The following NCKAP5 variants were observed in gnomAD, a reference collection of about 807,000 sequenced individuals.
NCKAP5 encodes NCK associated protein 5, also known as nck-associated protein 5.
Under a neutral mutation model 167.0 loss-of-function variants are expected in NCKAP5, and 92 were observed. The ratio of observed to expected loss-of-function variants is 0.55; its 90% CI spans 0.47 to 0.66. NCKAP5 has a LOEUF of 0.66. Among genes scored for constraint, NCKAP5 ranks in the 30% least tolerant of loss-of-function variants. NCKAP5 has a pLI of 0.00. For synonymous variants in NCKAP5, 891 were observed against 877.4 expected, an observed-to-expected ratio of 1.02 and a Z score of -0.27; for missense variants, 2,378 against 2,315.0, an observed-to-expected ratio of 1.03 and a Z score of -0.56.
chr2:132,887,348 T>C (rs201001868), intron 8 of NCKAP5, among the ~76,000 whole-genome samples: 16,985 of 127,248 alleles, frequency 0.13, 1,407 homozygotes, highest in East Asian at 0.36. Context: ...TCTATCTATC[T>C]ATCCATCCAT....
chr2:133,020,837 G>A (rs1182830753), intron 6 of NCKAP5, among the ~76,000 whole-genome samples: 1 of 152,166 alleles, frequency 6.6e-6, no homozygotes, highest in Non-Finnish European at 1.5e-5. Flanking sequence ...GAAAGGTGGA[G>A]AAGCAATCAC....
At chr2:133,642,229 T>G in the NCKAP5 span, among the ~76,000 whole-genome samples, 1 of 152,096 alleles carries the variant, frequency 6.6e-6, no homozygotes, top group Non-Finnish European at 1.5e-5. Flanking sequence ...AGGATGGCAT[T>G]AATCTACTCA....
At chr2:133,171,545 A>G (rs1433020904) in intron 5 of NCKAP5, among the ~76,000 whole-genome samples, 2 of 152,194 alleles carry the variant, frequency 1.3e-5, no homozygotes, top group South Asian at 4.1e-4. Flanking sequence ...ACTTGCCAAG[A>G]AAAGAAAGAA....
At chr2:132,836,864 T>C (rs1321869408) in intron 11 of NCKAP5, among the ~76,000 whole-genome samples, 3 of 152,228 alleles carry the variant, frequency 2.0e-5, no homozygotes. Context: ...AGTCTTATTT[T>C]GCTGCTTTCT....
chr2:133,537,985 A>C (rs1275314465), intron 2 of NCKAP5, among the ~76,000 whole-genome samples: 1 of 152,216 alleles, frequency 6.6e-6, no homozygotes, highest in East Asian at 1.9e-4. Flanking sequence ...ATAACCTCAG[A>C]AAAACACAGT....
intron 4 of NCKAP5, among the ~76,000 whole-genome samples, chr2:133,246,835 G>A (rs1448240619): frequency 1.3e-5 from 2 of 152,162 alleles, no homozygotes; most frequent in African/African-American, 4.8e-5. Context: ...ATAAATGAAT[G>A]AGCAAACAGG....
intron 11 of NCKAP5, among the ~76,000 whole-genome samples, chr2:132,806,894 T>C (rs988892337): frequency 2.6e-5 from 4 of 152,186 alleles, no homozygotes; most frequent in Admixed American, 1.3e-4. Flanking sequence ...AGAAATTTTA[T>C]AGTTTCAGGT....
intron 11 of NCKAP5, among the ~76,000 whole-genome samples, chr2:132,852,907 AT>A (rs1284463090): frequency 6.6e-6 from 1 of 152,154 alleles, no homozygotes; most frequent in African/African-American, 2.4e-5. Flanking sequence ...TGTTTATATT[AT>A]CTATCTCCTT....
At chr2:133,185,999 T>C (rs562072681) in intron 5 of NCKAP5, among the ~76,000 whole-genome samples, 2 of 152,232 alleles carry the variant, frequency 1.3e-5, no homozygotes, top group East Asian at 1.9e-4. Flanking sequence ...AGTCCTATAT[T>C]GAATAGGAGT....
chr2:133,199,386 C>T (rs988845991), intron 5 of NCKAP5, among the ~76,000 whole-genome samples: 1 of 151,964 alleles, frequency 6.6e-6, no homozygotes, highest in African/African-American at 2.4e-5. Flanking sequence ...ACTCATACCA[C>T]TCAATGATTT....
Position 132,860,624 on chromosome 2 carries a change from C to A in NCKAP5, c.688-13G>T, listed in dbSNP as rs1308743395. Reference sequence around the variant, plus strand: ...CCTCTCTTAGATCCTACAACAAACACATCGAAGGAGGAAAAAGTCCATAAC... The same window carrying A: ...CCTCTCTTAGATCCTACAACAAACAAATCGAAGGAGGAAAAAGTCCATAAC... On this transcript the variant is annotated splice_polypyrimidine_tract_variant and intron_variant, in intron 10 of 19. Coordinates refer to ENST00000409261, the MANE Select transcript of NCKAP5 (RefSeq NM_207363.3). 2.4e-5 allele frequency: 38 copies of A among 1,559,212 alleles called. No homozygotes were observed. Among genetic ancestry groups the A allele is most frequent in the Non-Finnish European group, 3.3e-5 (38 of 1,150,164 alleles).
chr2:132,827,687 T>C (rs1296848791), intron 11 of NCKAP5, among the ~76,000 whole-genome samples: 1 of 152,136 alleles, frequency 6.6e-6, no homozygotes, highest in South Asian at 2.1e-4. Flanking sequence ...TTCATCTATG[T>C]GCTATAAAAA....
chr2:133,302,497 T>C (rs1438957431), intron 4 of NCKAP5, among the ~76,000 whole-genome samples: 3 of 44,008 alleles, frequency 6.8e-5, no homozygotes, highest in Non-Finnish European at 1.3e-4. Context: ...TGGATGAAAT[T>C]GGAAACCATC....
chr2:133,284,613 A>G (rs374405386), intron 4 of NCKAP5: 2 of 152,306 alleles, frequency 1.3e-5, no homozygotes, highest in Middle Eastern at 3.4e-3. Context: ...TGGGTTGTGA[A>G]TAGAAGATGG....
chr2:133,107,476 T>C (rs779193113), intron 6 of NCKAP5, among the ~76,000 whole-genome samples: 1 of 152,236 alleles, frequency 6.6e-6, no homozygotes, highest in Non-Finnish European at 1.5e-5. Context: ...TGTAAATACA[T>C]GTGTTAATTT....
chr2:132,712,405 A>T (rs1688937929), intron 19 of NCKAP5, among the ~76,000 whole-genome samples: 1 of 152,154 alleles, frequency 6.6e-6, no homozygotes, highest in African/African-American at 2.4e-5. Flanking sequence ...TAATCCCAGC[A>T]CTTTGGGAGG....
the NCKAP5 span, among the ~76,000 whole-genome samples, chr2:133,606,703 TC>T: frequency 0.14 from 21,101 of 150,244 alleles, 2,128 homozygotes; most frequent in African/African-American, 0.28. Flanking sequence ...CTTGAGAATC[TC>T]TGCCATAAAA....
intron 6 of NCKAP5, among the ~76,000 whole-genome samples, chr2:132,994,742 G>A (rs532087831): frequency 3.0e-4 from 46 of 152,240 alleles, no homozygotes; most frequent in African/African-American, 7.5e-4. Flanking sequence ...ACAGGAATAC[G>A]TTCTGAGAAA....
chr2:132,757,369 T>G (rs552091626), intron 16 of NCKAP5, among the ~76,000 whole-genome samples: 1 of 152,360 alleles, frequency 6.6e-6, no homozygotes, highest in South Asian at 2.1e-4. Context: ...CTTGGTTGCA[T>G]GTCTATGACT....
Sources: gnomAD v4.1 joint callset for allele counts (sites outside exome capture counted in the v4.1 genomes callset) on GRCh38, gnomAD v4.1.1 for gene constraint, MANE v1.5 for transcripts, NCBI Gene and HGNC (gene_info 2026-07-23, HGNC 2026-07-21) for gene names.